UGT2B11: variants seen among roughly 807,000 people sequenced by gnomAD.
The protein encoded by UGT2B11 is UDP glucuronosyltransferase family 2 member B11.
In UGT2B11, 49 loss-of-function variants were observed where a neutral mutation model predicts 51.7. That is an observed-to-expected ratio of 0.95 (90% CI 0.75 to 1.20). The LOEUF (loss-of-function observed/expected upper bound fraction) is 1.20, where lower values mean the gene tolerates loss of function less well. Among genes scored for constraint, UGT2B11 ranks in the 50% most tolerant of loss-of-function variants. The pLI is 0.00. For synonymous variants in UGT2B11, 273 were observed against 209.0 expected, an observed-to-expected ratio of 1.31 and a Z score of -2.64; for missense variants, 810 against 622.1, an observed-to-expected ratio of 1.30 and a Z score of -3.21.
At chr4:69,212,857 G>A (rs1366856571) in intron 1 of UGT2B11, 136 bp from the exon 2 acceptor site, 1 of 711,384 alleles carries the variant, frequency 1.4e-6, no homozygotes, top group Non-Finnish European at 1.9e-6. Flanking sequence ...AAATATATAT[G>A]AATAATATAT....
At chr4:69,202,918 A>G (rs1002321471) in intron 5 of UGT2B11, among the ~76,000 whole-genome samples, 17 of 151,574 alleles carry the variant, frequency 1.1e-4, no homozygotes, top group African/African-American at 3.9e-4. Flanking sequence ...TTACACAAAA[A>G]CTTTATTGAG....
chr4:69,206,495 G>T (rs957185463), intron 3 of UGT2B11, among the ~76,000 whole-genome samples: 2 of 151,514 alleles, frequency 1.3e-5, no homozygotes, highest in African/African-American at 4.8e-5. Flanking sequence ...TGGGAGGAAA[G>T]AGAGGATCAG....
upstream of UGT2B11, among the ~76,000 whole-genome samples, chr4:69,218,701 G>A (rs1722335222): frequency 1.3e-5 from 2 of 151,988 alleles, no homozygotes; most frequent in South Asian, 4.2e-4. Flanking sequence ...GTCACAGAGT[G>A]CAGTGAGAAA....
At chr4:69,219,416 T>C (rs1722356030), upstream of UGT2B11, among the ~76,000 whole-genome samples, 1 of 152,172 alleles carries the variant, frequency 6.6e-6, no homozygotes, top group African/African-American at 2.4e-5. Context: ...CTGTTGATAG[T>C]TACTTTTGTT....
At chr4:69,223,581 C>A in the UGT2B11 span, among the ~76,000 whole-genome samples, 1 of 152,192 alleles carries the variant, frequency 6.6e-6, no homozygotes, top group Non-Finnish European at 1.5e-5. Context: ...GACTGAGGCA[C>A]CACTGATGCC....
chr4:69,218,584 T>G (rs1330235964), upstream of UGT2B11, among the ~76,000 whole-genome samples: 1 of 151,932 alleles, frequency 6.6e-6, no homozygotes, highest in Non-Finnish European at 1.5e-5. Context: ...TAAGGCAAAC[T>G]ATGAAAGCCA....
Position 69,205,678 on chromosome 4 carries a change from T to C in UGT2B11, c.1003-111A>G, listed in dbSNP as rs1488940661. ...ATCAAGGGATGTTAGTAAATAAATCTACTCAAAGATTGATGTAAAAAGAAT... is the reference window on the plus strand; with the variant it reads ...ATCAAGGGATGTTAGTAAATAAATCCACTCAAAGATTGATGTAAAAAGAAT... On this transcript the variant is annotated intron_variant, in intron 3 of 5. Coordinates refer to ENST00000446444, the MANE Select transcript of UGT2B11 (RefSeq NM_001073.3). 5.9e-6 allele frequency: 7 copies of C among 1,195,826 alleles called. 1 individual carries two copies. The South Asian group carries it at 1.1e-4, about 18-fold the overall frequency. The allele number at this position is 1,195,826 out of a possible 1,614,324, so 74.1% of individuals were successfully genotyped here. A position where few individuals can be genotyped will look rare whatever the true frequency, so the allele number is the denominator to read the frequency against.
At chr4:69,220,982 T>A in the UGT2B11 span, among the ~76,000 whole-genome samples, 3 of 152,196 alleles carry the variant, frequency 2.0e-5, no homozygotes, top group Non-Finnish European at 4.4e-5. Flanking sequence ...TGGAGGAGGT[T>A]ATGCCTCCAA....
At chr4:69,222,668 T>G in the UGT2B11 span, among the ~76,000 whole-genome samples, 671 of 152,330 alleles carry the variant, frequency 4.4e-3, 5 homozygotes, top group African/African-American at 0.015. Flanking sequence ...AACTGATAAC[T>G]GTCCATGTGA....
upstream of UGT2B11, chr4:69,216,192 G>T (rs1308047053): frequency 2.0e-5 from 3 of 152,042 alleles, no homozygotes; most frequent in African/African-American, 7.2e-5. Context: ...ACTGACATCT[G>T]CAAGAATGAC....
chr4:69,211,804 T>TA (rs546269823), intron 2 of UGT2B11, among the ~76,000 whole-genome samples: 17 of 151,652 alleles, frequency 1.1e-4, no homozygotes, highest in South Asian at 4.1e-4. Context: ...AGGCTTTTCT[T>TA]AAAAAAGAGA....
At chr4:69,219,023 C>A (rs138993425), upstream of UGT2B11, among the ~76,000 whole-genome samples, 7 of 152,060 alleles carry the variant, frequency 4.6e-5, no homozygotes, top group Non-Finnish European at 8.8e-5. Flanking sequence ...GGTAGAGAAC[C>A]AGCTGTAGTA....
the UGT2B11 span, among the ~76,000 whole-genome samples, chr4:69,223,803 G>A: frequency 6.6e-6 from 1 of 152,052 alleles, no homozygotes; most frequent in Admixed American, 6.6e-5. Flanking sequence ...CCAGTAATCT[G>A]TGTCCCAACT....
chr4:69,220,390 C>T, the UGT2B11 span, among the ~76,000 whole-genome samples: 36 of 152,074 alleles, frequency 2.4e-4, no homozygotes, highest in South Asian at 8.3e-4. Context: ...GTCTGGAGGA[C>T]GGTGGCCCAC....
rs763367755 is a variant in UGT2B11, at chr4:69,214,050, G to A, written c.673C>T (p.Gln225Ter). Residue 225 changes from glutamine (Q) to a stop codon, truncating the protein, a stop_gained, in exon 1 of 6, where the codon CAA (glutamine) becomes TAA (stop). Transcript: ENST00000446444. LOFTEE classifies it high-confidence loss of function. ...TCCCACTTCTTCATATCAGACATTT[G>A]GAACCAAAAGTCAAAATAAAGCACA... The part of the protein sequence containing the change: ...IYVLYFDFWF[Q>*]MSDMKKWDQF... 3 of 1,603,058 alleles carry A rather than the reference G, an allele frequency of 1.9e-6. No homozygotes were observed. Among genetic ancestry groups the A allele is most frequent in the South Asian group, 1.1e-5 (1 of 89,034 alleles).
intron 3 of UGT2B11, among the ~76,000 whole-genome samples, chr4:69,205,937 C>T (rs1721838268): frequency 6.6e-6 from 1 of 151,562 alleles, no homozygotes; most frequent in Admixed American, 6.6e-5. Context: ...GCATCTCACA[C>T]CAATCAGAAT....
At chr4:69,217,716 G>C (rs1722309365), upstream of UGT2B11, among the ~76,000 whole-genome samples, 1 of 152,040 alleles carries the variant, frequency 6.6e-6, no homozygotes, top group African/African-American at 2.4e-5. Flanking sequence ...CTCCCAGTGG[G>C]TGAGATGAAA....
intron 5 of UGT2B11, among the ~76,000 whole-genome samples, chr4:69,203,707 A>G (rs1033722002): frequency 2.3e-4 from 35 of 151,760 alleles, no homozygotes; most frequent in African/African-American, 7.7e-4. Flanking sequence ...AAACCATAAG[A>G]AAACAACAAA....
chr4:69,215,850 A>C (rs1362315542), upstream of UGT2B11: 1 of 152,140 alleles, frequency 6.6e-6, no homozygotes, highest in African/African-American at 2.4e-5. Context: ...GACCCAAAAA[A>C]GGAAGGTTTC....
Sources: allele counts gnomAD v4.1 joint callset (sites outside exome capture counted in the v4.1 genomes callset), GRCh38; gene constraint gnomAD v4.1.1; transcripts MANE v1.5; gene names NCBI Gene and HGNC (gene_info 2026-07-23, HGNC 2026-07-21).